ASTN2: variants seen among roughly 807,000 people sequenced by gnomAD.
ASTN2 encodes astrotactin-2.
Under a neutral mutation model 139.8 loss-of-function variants are expected in ASTN2, and 54 were observed. The ratio of observed to expected loss-of-function variants is 0.39; its 90% CI spans 0.31 to 0.48. The LOEUF (loss-of-function observed/expected upper bound fraction) is 0.48. Ranked by LOEUF, ASTN2 falls within the 20% of genes least tolerant of loss-of-function variation. The pLI, the probability that ASTN2 is intolerant of heterozygous loss-of-function variation, is 0.95. For synonymous variants in ASTN2, 756 were observed against 719.5 expected, an observed-to-expected ratio of 1.05 and a Z score of -0.81; for missense variants, 1,565 against 1,725.1, an observed-to-expected ratio of 0.91 and a Z score of 1.64.
chr9:116,968,633 T>G (rs139674048), intron 10 of ASTN2, among the ~76,000 whole-genome samples: 2 of 152,236 alleles, frequency 1.3e-5, no homozygotes, highest in East Asian at 3.9e-4. Context: ...GTGTGGTGGC[T>G]CACAACTGGA....
chr9:116,996,582 G>A (rs571776391), intron 7 of ASTN2, among the ~76,000 whole-genome samples: 1 of 152,138 alleles, frequency 6.6e-6, no homozygotes, highest in Admixed American at 6.6e-5. Flanking sequence ...ACCAACTAAA[G>A]AATACAGTTT....
intron 2 of ASTN2, among the ~76,000 whole-genome samples, chr9:117,273,675 C>A (rs1834117776): frequency 6.6e-6 from 1 of 152,168 alleles, no homozygotes; most frequent in Non-Finnish European, 1.5e-5. Context: ...TTCCTCCATG[C>A]CACCTGCTCT....
At chr9:117,238,288 C>T (rs1199604131) in intron 2 of ASTN2, among the ~76,000 whole-genome samples, 1 of 152,086 alleles carries the variant, frequency 6.6e-6, no homozygotes, top group Non-Finnish European at 1.5e-5. Flanking sequence ...AGAGTGGGTC[C>T]CCTCTGCACT....
At chr9:116,579,630 C>G (rs1279794774) in intron 19 of ASTN2, among the ~76,000 whole-genome samples, 1 of 152,160 alleles carries the variant, frequency 6.6e-6, no homozygotes, top group Non-Finnish European at 1.5e-5. Context: ...CCTGTAGACC[C>G]AGCGGCTTGA....
At chr9:116,434,085 G>C (rs1847575470) in intron 22 of ASTN2, among the ~76,000 whole-genome samples, 1 of 152,022 alleles carries the variant, frequency 6.6e-6, no homozygotes, top group Non-Finnish European at 1.5e-5. Context: ...GTATTAGTTA[G>C]TTGGTATTAG....
At chr9:116,960,018 C>T (rs1214526987) in intron 10 of ASTN2, among the ~76,000 whole-genome samples, 1 of 152,046 alleles carries the variant, frequency 6.6e-6, no homozygotes, top group East Asian at 1.9e-4. Context: ...TGCACAGAGC[C>T]GCTGTGATTT....
chr9:116,749,526 A>C (rs1829342766), intron 13 of ASTN2, among the ~76,000 whole-genome samples: 1 of 152,170 alleles, frequency 6.6e-6, no homozygotes, highest in South Asian at 2.1e-4. Context: ...GGTAAAGCTA[A>C]AAGCAATGCT....
chr9:117,279,371 T>C (rs1834272057), intron 2 of ASTN2, among the ~76,000 whole-genome samples: 2 of 152,202 alleles, frequency 1.3e-5, no homozygotes, highest in South Asian at 4.1e-4. Flanking sequence ...GGTTTTATCA[T>C]TTGTGAAAAC....
chr9:116,989,559 G>A (rs918140120), intron 7 of ASTN2, among the ~76,000 whole-genome samples: 4 of 148,916 alleles, frequency 2.7e-5, no homozygotes, highest in African/African-American at 9.9e-5. Context: ...TTTTCACTTT[G>A]CTAATCTCAT....
chr9:117,289,985 G>A (rs897877592), intron 2 of ASTN2, among the ~76,000 whole-genome samples: 4 of 152,180 alleles, frequency 2.6e-5, no homozygotes, highest in Non-Finnish European at 4.4e-5. Context: ...CTAATGCACA[G>A]TGTTCGTTGA....
intron 11 of ASTN2, among the ~76,000 whole-genome samples, chr9:116,851,835 T>A (rs529467144): frequency 6.6e-6 from 1 of 152,274 alleles, no homozygotes; most frequent in East Asian, 1.9e-4. Context: ...GCAGAGTAAG[T>A]TGAGGGGTGC....
chr9:117,191,227 C>CAAAA (rs35328157), intron 3 of ASTN2, among the ~76,000 whole-genome samples: 7 of 62,468 alleles, frequency 1.1e-4, no homozygotes, highest in East Asian at 4.5e-4. Flanking sequence ...TACAAAATAG[C>CAAAA]AAAAAAAAAA....
chr9:116,596,000 C>A (rs985127207), intron 19 of ASTN2, among the ~76,000 whole-genome samples: 1 of 152,128 alleles, frequency 6.6e-6, no homozygotes, highest in African/African-American at 2.4e-5. Flanking sequence ...CAGCATTATA[C>A]ACAGTAGCCA....
chr9:117,380,234 C>T (rs1352580033), intron 1 of ASTN2, among the ~76,000 whole-genome samples: 3 of 152,058 alleles, frequency 2.0e-5, no homozygotes, highest in Non-Finnish European at 4.4e-5. Flanking sequence ...ACATAGTAAT[C>T]GAGCATCATA....
At chr9:117,053,553 G>T (rs1298197580) in intron 5 of ASTN2, among the ~76,000 whole-genome samples, 1 of 152,188 alleles carries the variant, frequency 6.6e-6, no homozygotes, top group Non-Finnish European at 1.5e-5. Flanking sequence ...GGTTCAAGTT[G>T]CACAAGCCAT....
At chr9:116,808,280 TG>T (rs1831080564) in intron 12 of ASTN2, among the ~76,000 whole-genome samples, 1 of 21,938 alleles carries the variant, frequency 4.6e-5, no homozygotes, top group Non-Finnish European at 7.8e-5. Context: ...ATACATATTG[TG>T]TGTGTGTGTG....
Position 117,144,660 on chromosome 9 carries a change from G to GTTTTTTT in ASTN2, c.1016-3189_1016-3183dup, listed in dbSNP as rs71379267. Among the ~76,000 whole-genome samples, 26 of 78,346 alleles carry GTTTTTTT rather than the reference G, an allele frequency of 3.3e-4. 2 individuals are homozygous for GTTTTTTT. Among genetic ancestry groups the GTTTTTTT allele is most frequent in the African/African-American group, 1.0e-3 (17 of 16,566 alleles). 51.4% of individuals were successfully genotyped at this position (78,346 alleles called of 152,430 possible). A position where few individuals can be genotyped will look rare whatever the true frequency, so the allele number is the denominator to read the frequency against. On this transcript the variant is annotated intron_variant, in intron 3 of 22. Coordinates refer to ENST00000313400, the MANE Select transcript of ASTN2 (RefSeq NM_001365068.1). ...TGACATTTGAGAGGAGTGAACACTAGTTTTTTTTTTTTTTTTTTTTTTTTT... is the reference window on the plus strand; with the variant it reads ...TGACATTTGAGAGGAGTGAACACTAGTTTTTTTTTTTTTTTTTTTTTTTTTTTTTTTT...
intron 1 of ASTN2, among the ~76,000 whole-genome samples, chr9:117,348,895 AAAAAAG>A (rs201934160): frequency 0.074 from 11,198 of 151,462 alleles, 604 homozygotes; most frequent in Non-Finnish European, 0.11. Context: ...AAAAAAAAAA[AAAAAAG>A]TGTGTGTAGC....
intron 2 of ASTN2, among the ~76,000 whole-genome samples, chr9:117,287,446 T>C (rs772390613): frequency 2.0e-5 from 3 of 152,228 alleles, no homozygotes; most frequent in Non-Finnish European, 2.9e-5. Flanking sequence ...TGGCCTGTTA[T>C]ATAGATTAAG....
Sources: allele counts gnomAD v4.1 joint callset (sites outside exome capture counted in the v4.1 genomes callset), GRCh38; gene constraint gnomAD v4.1.1; transcripts MANE v1.5; gene names NCBI Gene and HGNC (gene_info 2026-07-23, HGNC 2026-07-21).